Variants in SGCZ observed in about 807,000 individuals in gnomAD.
SGCZ encodes the protein sarcoglycan zeta, also known as zeta-sarcoglycan.
A neutral mutation model predicts 41.3 loss-of-function variants in SGCZ; 40 were observed. The ratio of observed to expected loss-of-function variants is 0.97; its 90% CI spans 0.75 to 1.26. The LOEUF (loss-of-function observed/expected upper bound fraction) is 1.26. Among genes scored for constraint, SGCZ ranks in the 50% most tolerant of loss-of-function variants. SGCZ has a pLI of 0.00. For missense variants in SGCZ, 552 were observed against 369.8 expected (o/e 1.49, Z -4.04); for synonymous variants, 206 against 137.5 (o/e 1.50, Z -3.49).
chr8:14,844,374 C>G (rs1803030317), intron 1 of SGCZ, among the ~76,000 whole-genome samples: 1 of 152,112 alleles, frequency 6.6e-6, no homozygotes, highest in African/African-American at 2.4e-5. Context: ...ATATCCTTTC[C>G]TACTGCCATG....
intron 1 of SGCZ, among the ~76,000 whole-genome samples, chr8:14,589,162 T>TACCCTCAAACTTAAA (rs1190942971): frequency 1.6e-4 from 25 of 152,024 alleles, no homozygotes; most frequent in African/African-American, 5.6e-4. Flanking sequence ...TGTGCACATG[T>TACCCTCAAACTTAAA]ACCCTCAAAC....
intron 3 of SGCZ, among the ~76,000 whole-genome samples, chr8:14,315,965 A>T (rs1430657702): frequency 2.6e-5 from 4 of 151,590 alleles, no homozygotes; most frequent in Middle Eastern, 3.3e-3. Flanking sequence ...AAAATTTTGT[A>T]CGAATACAAA....
chr8:14,181,295 C>T (rs1416667024), intron 4 of SGCZ, among the ~76,000 whole-genome samples: 1 of 152,174 alleles, frequency 6.6e-6, no homozygotes, highest in Admixed American at 6.5e-5. Flanking sequence ...GCAACAAGTT[C>T]AATTGTTGGG....
At chr8:15,191,824 T>G (rs1263888819) in intron 1 of SGCZ, among the ~76,000 whole-genome samples, 4 of 152,070 alleles carry the variant, frequency 2.6e-5, no homozygotes, top group Non-Finnish European at 4.4e-5. Context: ...TATTTAATTA[T>G]ACAAAATGAC....
chr8:15,141,688 G>T (rs1047101132), intron 1 of SGCZ, among the ~76,000 whole-genome samples: 2 of 152,168 alleles, frequency 1.3e-5, no homozygotes, highest in Non-Finnish European at 2.9e-5. Context: ...AGGATCACGA[G>T]GTCAGGAGAT....
chr8:14,869,129 C>A (rs767480207), intron 1 of SGCZ, among the ~76,000 whole-genome samples: 2 of 151,994 alleles, frequency 1.3e-5, no homozygotes, highest in South Asian at 4.2e-4. Flanking sequence ...GGCAGAGACA[C>A]AACAAAAAAA....
In SGCZ at chr8:14,226,688, A is replaced by G. The variant is rs368185862; in HGVS notation, c.424+10904T>C. ...TATCTATAGAAACTTTATGGTGTAA[A>G]CATGTTTTTATTTAACTTGGGCAAT... is the stretch of plus-strand genomic sequence containing the variant. On this transcript the variant is annotated intron_variant, in intron 4 of 7. Transcript: ENST00000382080. Among the ~76,000 whole-genome samples the G allele has an allele frequency of 1.1e-4, 17 of 152,198 alleles. 1 individual carries two copies. In the East Asian group the frequency reaches 3.3e-3, roughly 29 times the overall value.
intron 1 of SGCZ, among the ~76,000 whole-genome samples, chr8:15,013,576 A>C (rs931256862): frequency 5.3e-5 from 8 of 152,088 alleles, no homozygotes; most frequent in African/African-American, 1.9e-4. Context: ...TCTAAAAGCT[A>C]AATGTGAAAG....
chr8:14,598,857 C>T (rs557877143), intron 1 of SGCZ, among the ~76,000 whole-genome samples: 2 of 152,196 alleles, frequency 1.3e-5, no homozygotes, highest in African/African-American at 4.8e-5. Flanking sequence ...TTAGACACTC[C>T]TATCTTTCCA....
At chr8:14,848,897 C>T (rs1024046704) in intron 1 of SGCZ, among the ~76,000 whole-genome samples, 3 of 152,032 alleles carry the variant, frequency 2.0e-5, no homozygotes, top group Non-Finnish European at 4.4e-5. Context: ...TAAGAAAATG[C>T]AAAGACAAGC....
At chr8:14,707,483 A>C (rs1312108944) in intron 1 of SGCZ, among the ~76,000 whole-genome samples, 1 of 152,122 alleles carries the variant, frequency 6.6e-6, no homozygotes, top group African/African-American at 2.4e-5. Flanking sequence ...AGCTCCAACT[A>C]CTGCTCAGGA....
intron 3 of SGCZ, among the ~76,000 whole-genome samples, chr8:14,276,354 G>A (rs1800231989): frequency 6.6e-6 from 1 of 152,016 alleles, no homozygotes. Context: ...CATTCTCATT[G>A]CTTAGCATGG....
chr8:14,404,260 TA>T (rs1220095993), intron 2 of SGCZ, among the ~76,000 whole-genome samples: 2 of 152,234 alleles, frequency 1.3e-5, no homozygotes. Context: ...GTGTTCATTT[TA>T]AAACTGTGCT....
At chr8:14,329,754 T>C (rs996905605) in intron 2 of SGCZ, among the ~76,000 whole-genome samples, 4 of 152,156 alleles carry the variant, frequency 2.6e-5, no homozygotes, top group East Asian at 1.9e-4. Flanking sequence ...ACCCCCTCCT[T>C]TAGAATGAAT....
At chr8:14,582,070 T>C (rs1462924448) in intron 1 of SGCZ, among the ~76,000 whole-genome samples, 1 of 152,168 alleles carries the variant, frequency 6.6e-6, no homozygotes, top group Non-Finnish European at 1.5e-5. Flanking sequence ...ATGAAGAACT[T>C]TATGATGATC....
intron 2 of SGCZ, among the ~76,000 whole-genome samples, chr8:14,428,171 C>T (rs1007048450): frequency 6.6e-5 from 10 of 151,042 alleles, no homozygotes; most frequent in Non-Finnish European, 1.5e-4. Flanking sequence ...CACATACACA[C>T]ATGCATATAT....
chr8:14,644,983 G>C (rs927623542), intron 1 of SGCZ, among the ~76,000 whole-genome samples: 2 of 150,360 alleles, frequency 1.3e-5, no homozygotes, highest in South Asian at 2.1e-4. Context: ...TTACTCGTTA[G>C]ACTGTGGCCT....
At chr8:14,492,048 T>C (rs1326299149) in intron 2 of SGCZ, among the ~76,000 whole-genome samples, 1 of 152,156 alleles carries the variant, frequency 6.6e-6, no homozygotes, top group Admixed American at 6.5e-5. Context: ...TCATTTATGA[T>C]TGAGAATAAA....
chr8:15,013,981 T>C lies in SGCZ; in HGVS notation c.39+223604A>G, dbSNP rs890447806. The stretch of plus-strand genomic sequence containing the variant: ...AGATGGGATAAACGGAAGAAAAACC[T>C]CAAAGGTAGCCACATTTTGGAGTTC... On this transcript the variant is annotated intron_variant, in intron 1 of 7. Coordinates refer to ENST00000382080, the MANE Select transcript of SGCZ (RefSeq NM_139167.4). 4.4e-4 allele frequency among the ~76,000 whole-genome samples: 67 copies of C among 152,164 alleles called. 1 individual carries two copies. The highest frequency in any genetic ancestry group is 1.2e-4 in the Non-Finnish European group (8 of 68,024).
Sources: gnomAD v4.1 joint callset for allele counts (sites outside exome capture counted in the v4.1 genomes callset) on GRCh38, gnomAD v4.1.1 for gene constraint, MANE v1.5 for transcripts, NCBI Gene and HGNC (gene_info 2026-07-23, HGNC 2026-07-21) for gene names.